The following TBC1D22B variants were observed in gnomAD, a reference collection of about 807,000 sequenced individuals.
TBC1D22B encodes TBC1 domain family member 22B.
TBC1D22B carries 32 observed loss-of-function variants against 69.1 expected under a neutral mutation model. The ratio of observed to expected loss-of-function variants is 0.46; its 90% CI spans 0.35 to 0.62. The LOEUF is 0.62. Among genes scored for constraint, TBC1D22B ranks in the 20% least tolerant of loss-of-function variants. The pLI is 0.00. For synonymous variants in TBC1D22B, 206 were observed against 229.8 expected, an observed-to-expected ratio of 0.90 and a Z score of 0.94; for missense variants, 462 against 630.9, an observed-to-expected ratio of 0.73 and a Z score of 2.87.
chr6:37,294,978 C>G (rs78705828), intron 8 of TBC1D22B, among the ~76,000 whole-genome samples: 2 of 152,192 alleles, frequency 1.3e-5, no homozygotes, highest in Non-Finnish European at 1.5e-5. Flanking sequence ...GAGATGGAAT[C>G]TACTCCTGGT....
chr6:37,320,625 T>G (rs998912846), intron 12 of TBC1D22B, among the ~76,000 whole-genome samples: 1 of 152,120 alleles, frequency 6.6e-6, no homozygotes, highest in African/African-American at 2.4e-5. Context: ...AGAGGAGGCA[T>G]CAGAGTACAC....
rs571859593 is a variant in TBC1D22B at position 37,287,076 on chromosome 6, AG to A, written c.867+7del. Reference sequence around the variant, plus strand: ...CCAGCAACCACTTGTACAGGAGGTGAGGGAATTACTTAATGTTCTTTGGCGC... The same window carrying A: ...CCAGCAACCACTTGTACAGGAGGTGAGGAATTACTTAATGTTCTTTGGCGC... On this transcript the variant is annotated splice_donor_5th_base_variant and intron_variant, in intron 7 of 12. Transcript: ENST00000373491. The A allele has an allele frequency of 2.8e-3, 4,484 of 1,595,146 alleles. 14 individuals are homozygous for A. The highest frequency in any genetic ancestry group is 3.5e-3 in the Non-Finnish European group (4,081 of 1,173,174).
At chr6:37,289,745 A>T (rs1278574580) in intron 7 of TBC1D22B, among the ~76,000 whole-genome samples, 2 of 152,172 alleles carry the variant, frequency 1.3e-5, no homozygotes, top group Non-Finnish European at 2.9e-5. Flanking sequence ...AATTATTGAG[A>T]TTTTCCTGAA....
chr6:37,286,896 A>G (rs539420963), intron 6 of TBC1D22B, 111 bp from the exon 7 acceptor site: 7 of 891,086 alleles, frequency 7.9e-6, no homozygotes, highest in South Asian at 3.0e-5. Context: ...GTGAGCTGAG[A>G]TAGTGCCATT....
chr6:37,317,117 C>A lies in TBC1D22B; in HGVS notation c.1300C>A (p.Pro434Thr). The A allele has an allele frequency of 3.8e-6, 6 of 1,568,390 alleles. No individual in the cohort carries two copies. Among genetic ancestry groups the A allele is most frequent in the Non-Finnish European group, 5.2e-6 (6 of 1,154,478 alleles). ...CTATTTTTCTGCTTCCCAGTCTGAA[C>A]CAGAAGGGTTCTCCCACTTTCATCT... The part of the protein sequence containing the change: ...IRLWDTYQSE[P>T]EGFSHFHLYV... Residue 434 changes from proline (P) to threonine (T), a missense_variant, in exon 12 of 13, where the codon CCA (proline) becomes ACA (threonine). Pro to Thr is a conservative substitution (Grantham distance 38). Transcript: ENST00000373491.
At chr6:37,277,859 T>A (rs574802907) in intron 2 of TBC1D22B, among the ~76,000 whole-genome samples, 1 of 152,152 alleles carries the variant, frequency 6.6e-6, no homozygotes, top group South Asian at 2.1e-4. Flanking sequence ...CTGGGCGTGG[T>A]GGCTCATGCC....
chr6:37,318,161 T>C (rs1768136057), intron 12 of TBC1D22B, among the ~76,000 whole-genome samples: 1 of 152,186 alleles, frequency 6.6e-6, no homozygotes, highest in African/African-American at 2.4e-5. Flanking sequence ...AGGATGCTAC[T>C]GTAATCCTCC....
rs1190122166 is a variant in TBC1D22B, at chr6:37,282,971, GT to G, written c.672+20del. ...CCTGTCGGTGAGTTCTACCCACTGTGTAGAGAAATGTGAGCCTCACACAGCC... is the reference window on the plus strand; with the variant it reads ...CCTGTCGGTGAGTTCTACCCACTGTGAGAGAAATGTGAGCCTCACACAGCC... On this transcript the variant is annotated intron_variant, in intron 5 of 12. Transcript: ENST00000373491. 6.2e-7 allele frequency: 1 copy of G among 1,610,974 alleles called. No individual in the cohort carries two copies. The highest frequency in any genetic ancestry group is 8.5e-7 in the Non-Finnish European group (1 of 1,177,496).
Position 37,279,372 on chromosome 6 carries a change from A to G in TBC1D22B, c.182A>G (p.Glu61Gly). The part of the protein sequence containing the change: ...LKNKKASSFH[E>G]FARNTSDAWD... ...AATAAGAAGGCCTCCAGTTTTCATG[A>G]GTTTGCACGGAATACCAGTGATGCT... The change falls in exon 3 of 13, where the codon GAG becomes GGG. Residue 61 changes from glutamate to glycine, a missense_variant. Physicochemically the swap from Glu to Gly is moderately conservative, Grantham distance 98. Transcript: ENST00000373491. The G allele has an allele frequency of 6.2e-7, 1 of 1,614,208 alleles. No homozygotes were observed. Among genetic ancestry groups the G allele is most frequent in the Non-Finnish European group, 8.5e-7 (1 of 1,180,032 alleles).
chr6:37,310,570 A>C (rs1409311621), intron 8 of TBC1D22B, among the ~76,000 whole-genome samples: 1 of 152,218 alleles, frequency 6.6e-6, no homozygotes, highest in Non-Finnish European at 1.5e-5. Context: ...TGGGAGGCTG[A>C]GGCAGGAGAA....
chr6:37,286,921 G>A, intron 6 of TBC1D22B, 86 bp from the exon 7 acceptor site: 1 of 1,233,290 alleles, frequency 8.1e-7, no homozygotes, highest in South Asian at 1.3e-5. Flanking sequence ...TCCAGCCTGG[G>A]GGACAAGAGC....
rs1766849671 is a variant in TBC1D22B at position 37,282,050 on chromosome 6, TG to T, written c.422-132del. 5 of 949,624 alleles carry T rather than the reference TG, an allele frequency of 5.3e-6. No homozygotes were observed. In the East Asian group the frequency reaches 7.7e-5, roughly 15 times the overall value. The allele number at this position is 949,624 out of a possible 1,614,324, so 58.8% of individuals were successfully genotyped here. ...TTCTGGCCCCTCGCTGCCCTTCAGC[TG>T]GGCACCTCAGACAGTGCACACAGGC... is the stretch of plus-strand genomic sequence containing the variant. On this transcript the variant is annotated intron_variant, in intron 3 of 12. Coordinates refer to ENST00000373491, the MANE Select transcript of TBC1D22B (RefSeq NM_017772.4).
intron 1 of TBC1D22B, among the ~76,000 whole-genome samples, chr6:37,267,550 CAT>C (rs201374697): frequency 0.013 from 1,750 of 137,742 alleles, 32 homozygotes; most frequent in Middle Eastern, 0.042. Context: ...TATATATACA[CAT>C]ATATATATAC....
chr6:37,310,777 G>C (rs1767887042), intron 8 of TBC1D22B, among the ~76,000 whole-genome samples: 1 of 152,036 alleles, frequency 6.6e-6, no homozygotes, highest in Admixed American at 6.5e-5. Context: ...TTCTTTTTTG[G>C]TGATAAAAGG....
chr6:37,326,846 A>T (rs534550846), intron 12 of TBC1D22B, among the ~76,000 whole-genome samples: 1 of 152,372 alleles, frequency 6.6e-6, no homozygotes, highest in Admixed American at 6.5e-5. Context: ...AATTTTAAAA[A>T]AATTGATTAG....
intron 7 of TBC1D22B, among the ~76,000 whole-genome samples, chr6:37,287,454 A>C (rs1767041171): frequency 6.6e-6 from 1 of 152,252 alleles, no homozygotes; most frequent in Non-Finnish European, 1.5e-5. Context: ...AGTGGCATTA[A>C]GTACAGTCAC....
At chr6:37,277,858 G>A (rs554878617) in intron 2 of TBC1D22B, among the ~76,000 whole-genome samples, 2 of 152,184 alleles carry the variant, frequency 1.3e-5, no homozygotes, top group East Asian at 3.9e-4. Context: ...TCTGGGCGTG[G>A]TGGCTCATGC....
rs1444577049 is a variant in TBC1D22B, at chr6:37,291,319, T to G, written c.944T>G (p.Val315Gly). The G allele has an allele frequency of 6.2e-7, 1 of 1,613,382 alleles. No individual in the cohort carries two copies. Among genetic ancestry groups the G allele is most frequent in the Non-Finnish European group, 8.5e-7 (1 of 1,179,772 alleles). The change falls in exon 8 of 13, where the codon GTC (valine) becomes GGC (glycine). Residue 315 changes from valine to glycine, a missense_variant. This residue lies in a region of TBC1D22B where 225 missense variants were observed against 375.4 expected (regional missense o/e 0.60). Coordinates refer to ENST00000373491, the MANE Select transcript of TBC1D22B (RefSeq NM_017772.4). ...SGYVQGINDLVTPFFVVFLSE... is the reference protein window; with the variant it reads ...SGYVQGINDLGTPFFVVFLSE... ...TATGTCCAGGGAATTAATGACCTGG[T>G]CACTCCATTCTTTGTCGTCTTCCTC...
chr6:37,266,831 C>T (rs935957925), intron 1 of TBC1D22B, among the ~76,000 whole-genome samples: 3 of 151,552 alleles, frequency 2.0e-5, no homozygotes, highest in African/African-American at 7.3e-5. Context: ...GGTAATTATC[C>T]TTTCTATTTT....
Sources: gnomAD v4.1 joint callset for allele counts (sites outside exome capture counted in the v4.1 genomes callset) on GRCh38, gnomAD v4.1.1 for gene constraint, gnomAD v4.1.1 regional missense constraint, MANE v1.5 for transcripts, NCBI Gene and HGNC (gene_info 2026-07-23, HGNC 2026-07-21) for gene names.